Variants in MAGEA8 observed in about 807,000 individuals in gnomAD.
MAGEA8 encodes MAGE family member A8, also known as melanoma-associated antigen 8.
For synonymous variants in MAGEA8, 104 were observed against 102.6 expected, an observed-to-expected ratio of 1.01 and a Z score of -0.08; for missense variants, 229 against 251.1, an observed-to-expected ratio of 0.91 and a Z score of 0.59.
At chrX:149,883,337 A>G (rs1332669297) in intron 1 of MAGEA8, 1 of 111,097 alleles carries the variant, frequency 9.0e-6, no homozygotes, top group Non-Finnish European at 1.9e-5. Context: ...AGCCATGGGA[A>G]GTGCAGGGAA....
At position 149,885,280 on chromosome X, in the gene MAGEA8, C is replaced by T; in HGVS notation, c.*51C>T. On this transcript the variant is annotated 3_prime_UTR_variant, in exon 3 of 3. Coordinates refer to ENST00000286482, the MANE Select transcript of MAGEA8 (RefSeq NM_005364.5). ...GGGCAGGTTGTGGGAGGGCCTGGGC[C>T]AGTGCACGTTCCAGGGCCACATCCA... 1 of 954,129 alleles carries T rather than the reference C, an allele frequency of 1.0e-6. No homozygotes were observed. The highest frequency in any genetic ancestry group is 1.5e-6 in the Non-Finnish European group (1 of 685,980). The allele number at this position is 954,129 out of a possible 1,213,427, so 78.6% of individuals were successfully genotyped here.
Position 149,884,576 on chromosome X carries a change from G to A in MAGEA8, c.304G>A (p.Ala102Thr), listed in dbSNP as rs781844689. Reference sequence around the variant, plus strand: ...GGGGCCAAGCACCTCCCCGGACCCAGCTCACCTGGAGTCCCTGTTCCGGGA... The same window carrying A: ...GGGGCCAAGCACCTCCCCGGACCCAACTCACCTGGAGTCCCTGTTCCGGGA... ...EEGPSTSPDP[A>T]HLESLFREAL... is the part of the protein sequence containing the mutation. Residue 102 changes from alanine (A) to threonine (T), a missense_variant, in exon 3 of 3, where the codon GCT (alanine) becomes ACT (threonine). By Grantham distance (58) the Ala-to-Thr change is moderately conservative. Transcript: ENST00000286482. 15 of 1,211,334 alleles carry A rather than the reference G, an allele frequency of 1.2e-5. No homozygotes were observed. Among genetic ancestry groups the A allele is most frequent in the Non-Finnish European group, 1.7e-5 (15 of 895,111 alleles).
Position 149,884,144 on chromosome X carries a change from C to A in MAGEA8, c.-64+10C>A, listed in dbSNP as rs782394928. 11 of 515,613 alleles carry A rather than the reference C, an allele frequency of 2.1e-5. 1 individual carries two copies. The highest frequency in any genetic ancestry group is 1.2e-4 in the African/African-American group (5 of 42,724). The allele number at this position is 515,613 out of a possible 1,213,427, so 42.5% of individuals were successfully genotyped here. On this transcript the variant is annotated intron_variant, in intron 2 of 2. Coordinates refer to ENST00000286482, the MANE Select transcript of MAGEA8 (RefSeq NM_005364.5). ...GCACTGAAGAAGACCTGTAAGTAGACCTTTGTTAGGGCATCCAGGGTGTAG... is the reference window on the plus strand; with the variant it reads ...GCACTGAAGAAGACCTGTAAGTAGAACTTTGTTAGGGCATCCAGGGTGTAG...
chrX:149,882,173 CTG>C (rs1557370635), intron 1 of MAGEA8, among the ~76,000 whole-genome samples: 1 of 110,738 alleles, frequency 9.0e-6, no homozygotes, highest in African/African-American at 3.3e-5. Context: ...ACTCTCAGGT[CTG>C]GGCACCCAAG....
At position 149,885,698 on chromosome X, in the gene MAGEA8, G is replaced by A. The variant is rs1479151980; in HGVS notation, c.*469G>A. The stretch of plus-strand genomic sequence containing the variant: ...GAAACAACATAGCAGTAAAATACAT[G>A]AGATAAAGACATAAAGAAATTAAAC... On this transcript the variant is annotated 3_prime_UTR_variant, in exon 3 of 3. Coordinates refer to ENST00000286482, the MANE Select transcript of MAGEA8 (RefSeq NM_005364.5). 1.1e-5 allele frequency: 2 copies of A among 186,169 alleles called. No homozygotes were observed. Among genetic ancestry groups the A allele is most frequent in the Non-Finnish European group, 2.1e-5 (2 of 93,826 alleles). The allele number at this position is 186,169 out of a possible 1,213,427, so 15.3% of individuals were successfully genotyped here.
Position 149,885,761 on chromosome X carries a change from A to C in MAGEA8, c.*532A>C, listed in dbSNP as rs1446846084. The C allele has an allele frequency of 1.5e-5, 2 of 131,853 alleles. No homozygotes were observed. The highest frequency in any genetic ancestry group is 6.4e-5 in the African/African-American group (2 of 31,414). The allele number at this position is 131,853 out of a possible 1,213,427, so 10.9% of individuals were successfully genotyped here. A position where few individuals can be genotyped will look rare whatever the true frequency, so the allele number is the denominator to read the frequency against. On this transcript the variant is annotated 3_prime_UTR_variant, in exon 3 of 3. Coordinates refer to ENST00000286482, the MANE Select transcript of MAGEA8 (RefSeq NM_005364.5). ...TTGCCTTACCTGTACCTCTTAGTGTACCCTATGTACCTGAATTTGCTTGGC... is the reference window on the plus strand; with the variant it reads ...TTGCCTTACCTGTACCTCTTAGTGTCCCCTATGTACCTGAATTTGCTTGGC...
rs182316237 is a variant in MAGEA8, at chrX:149,885,417, A to T, written c.*188A>T. 15 of 387,468 alleles carry T rather than the reference A, an allele frequency of 3.9e-5. No individual in the cohort carries two copies. In the Admixed American group the frequency reaches 6.1e-4, roughly 16 times the overall value. The allele number at this position is 387,468 out of a possible 1,213,427, so 31.9% of individuals were successfully genotyped here. ...TTGGGTGTGAGGGAACACAGTGTGGACCATCTCTCAGTTCCTGTTCTATTG... is the reference window on the plus strand; with the variant it reads ...TTGGGTGTGAGGGAACACAGTGTGGTCCATCTCTCAGTTCCTGTTCTATTG... On this transcript the variant is annotated 3_prime_UTR_variant, in exon 3 of 3. Transcript: ENST00000286482.
At chrX:149,881,672 C>CATGGCGGCCGGGCA (rs1557370548) in intron 1 of MAGEA8, among the ~76,000 whole-genome samples, 36 of 106,763 alleles carry the variant, frequency 3.4e-4, no homozygotes, top group East Asian at 6.0e-4. Flanking sequence ...GGCGGCCGGG[C>CATGGCGGCCGGGCA]TCGCTGATTC....
chrX:149,881,746 G>A (rs782451820), intron 1 of MAGEA8, among the ~76,000 whole-genome samples: 27 of 110,662 alleles, frequency 2.4e-4, no homozygotes, highest in Non-Finnish European at 3.8e-4. Context: ...AAGAGGAGCA[G>A]AGGGAGGGCC....
chrX:149,881,570 C>T (rs1293262231), intron 1 of MAGEA8, among the ~76,000 whole-genome samples: 1 of 99,026 alleles, frequency 1.0e-5, no homozygotes. Flanking sequence ...TCTGCCCCTA[C>T]TGTCAGCCCT....
Position 149,885,396 on chromosome X carries a change from G to A in MAGEA8, c.*167G>A. 1 of 423,655 alleles carries A rather than the reference G, an allele frequency of 2.4e-6. No homozygotes were observed. Among genetic ancestry groups the A allele is most frequent in the Non-Finnish European group, 4.1e-6 (1 of 241,285 alleles). 34.9% of individuals were successfully genotyped at this position (423,655 alleles called of 1,213,427 possible). On this transcript the variant is annotated 3_prime_UTR_variant, in exon 3 of 3. Transcript: ENST00000286482. ...TTCTCAGTAGTGGGGAGCATGTTGG[G>A]TGTGAGGGAACACAGTGTGGACCAT...
Position 149,884,060 on chromosome X carries a change from A to C in MAGEA8, c.-125-13A>C. ...GGCTGCACCCTGAGATGCCCTCTCA[A>C]TTTCTCCTTCAGGTTCGCAGAGAAC... On this transcript the variant is annotated splice_polypyrimidine_tract_variant and intron_variant, in intron 1 of 2. Transcript: ENST00000286482. 1 of 393,210 alleles carries C rather than the reference A, an allele frequency of 2.5e-6. No homozygotes were observed. The highest frequency in any genetic ancestry group is 4.4e-6 in the Non-Finnish European group (1 of 227,495). 32.4% of individuals were successfully genotyped at this position (393,210 alleles called of 1,213,427 possible).
Position 149,884,454 on chromosome X carries a change from C to T in MAGEA8, c.182C>T (p.Pro61Leu). ...EEVTDSGSPS[P>L]PQSPEGASSS... ...GTGACTGATTCTGGGTCACCAAGTC[C>T]TCCCCAGAGTCCTGAGGGTGCCTCC... Residue 61 changes from proline to leucine, a missense_variant, in exon 3 of 3, where the codon CCT (proline) becomes CTT (leucine). Physicochemically the swap from Pro to Leu is moderately conservative, Grantham distance 98. Transcript: ENST00000286482. 1 of 1,211,287 alleles carries T rather than the reference C, an allele frequency of 8.3e-7. No homozygotes were observed. Among genetic ancestry groups the T allele is most frequent in the Non-Finnish European group, 1.1e-6 (1 of 895,181 alleles).
chrX:149,881,968 C>A (rs1417319585), intron 1 of MAGEA8, among the ~76,000 whole-genome samples: 5 of 110,539 alleles, frequency 4.5e-5, no homozygotes, highest in African/African-American at 6.6e-5. Context: ...GACTCCAGAT[C>A]AGTGGAGATC....
Position 149,884,350 on chromosome X carries a change from G to A in MAGEA8, c.78G>A (p.Met26Ile). Residue 26 changes from methionine (M) to isoleucine (I), a missense_variant, in exon 3 of 3, where the codon ATG (methionine) becomes ATA (isoleucine). By Grantham distance (10) the Met-to-Ile change is conservative. Transcript: ENST00000286482. The part of the protein sequence containing the change: ...LQAQGEAPGL[M>I]DVQIPTAEEQ... ...CCCAAGGAGAGGCACCAGGGCTTAT[G>A]GATGTGCAGATTCCCACAGCTGAGG... 1 of 1,209,845 alleles carries A rather than the reference G, an allele frequency of 8.3e-7. No homozygotes were observed. The highest frequency in any genetic ancestry group is 1.8e-5 in the South Asian group (1 of 56,553).
Position 149,884,238 on chromosome X carries a change from G to A in MAGEA8, c.-35G>A. 1 of 1,115,264 alleles carries A rather than the reference G, an allele frequency of 9.0e-7. No individual in the cohort carries two copies. 91.9% of individuals were successfully genotyped at this position (1,115,264 alleles called of 1,213,427 possible). On this transcript the variant is annotated 5_prime_UTR_variant, in exon 3 of 3. Coordinates refer to ENST00000286482, the MANE Select transcript of MAGEA8 (RefSeq NM_005364.5). ...TGTGGGTCTCAATTGCCCAGCTCCG[G>A]CCCACACTCTCCTGCTGCCCTGACC... is the stretch of plus-strand genomic sequence containing the variant.
At position 149,885,081 on chromosome X, in the gene MAGEA8, T is replaced by C; in HGVS notation, c.809T>C (p.Val270Ala). ...CGCCAGGCGCCCGGCAGTGATCCTG[T>C]GCGCTACGAGTTCCTGTGGGGTCCA... ...EYRQAPGSDPVRYEFLWGPRA... is the reference protein window; with the variant it reads ...EYRQAPGSDPARYEFLWGPRA... The change falls in exon 3 of 3, where the codon GTG becomes GCG. Residue 270 changes from valine (V) to alanine (A), a missense_variant. Transcript: ENST00000286482. The C allele has an allele frequency of 1.7e-6, 2 of 1,211,632 alleles. No homozygotes were observed. Among genetic ancestry groups the C allele is most frequent in the Non-Finnish European group, 2.2e-6 (2 of 895,306 alleles).
chrX:149,884,756 C>T lies in MAGEA8; in HGVS notation c.484C>T (p.Gln162Ter). The part of the protein sequence containing the change: ...DIFSKASECM[Q>*]VIFGIDVKEV... Reference sequence around the variant, plus strand: ...CTTCAGCAAAGCCTCTGAGTGCATGCAGGTGATCTTTGGCATTGATGTGAA... The same window carrying T: ...CTTCAGCAAAGCCTCTGAGTGCATGTAGGTGATCTTTGGCATTGATGTGAA... Residue 162 changes from glutamine (Q) to a stop codon, truncating the protein, a stop_gained, in exon 3 of 3, where the codon CAG becomes TAG. Transcript: ENST00000286482. LOFTEE classifies it low-confidence loss of function (END_TRUNC). The T allele has an allele frequency of 8.3e-7, 1 of 1,211,289 alleles. No individual in the cohort carries two copies. Among genetic ancestry groups the T allele is most frequent in the Non-Finnish European group, 1.1e-6 (1 of 895,027 alleles).
rs1279740362 is a variant in MAGEA8 at position 149,884,253 on chromosome X, C to A, written c.-20C>A. ...CCCAGCTCCGGCCCACACTCTCCTG[C>A]TGCCCTGACCTGAGTCATCATGCTT... On this transcript the variant is annotated 5_prime_UTR_variant, in exon 3 of 3. In the 5' UTR this introduces an upstream ATG that the reference lacks. Coordinates refer to ENST00000286482, the MANE Select transcript of MAGEA8 (RefSeq NM_005364.5). The A allele has an allele frequency of 2.6e-6, 3 of 1,150,935 alleles. No individual in the cohort carries two copies. The highest frequency in any genetic ancestry group is 3.6e-5 in the African/African-American group (2 of 56,293). The allele number at this position is 1,150,935 out of a possible 1,213,427, so 94.8% of individuals were successfully genotyped here. A position where few individuals can be genotyped will look rare whatever the true frequency, so the allele number is the denominator to read the frequency against.
Sources: allele counts gnomAD v4.1 joint callset (sites outside exome capture counted in the v4.1 genomes callset), GRCh38; gene constraint gnomAD v4.1.1; transcripts MANE v1.5; gene names NCBI Gene and HGNC (gene_info 2026-07-23, HGNC 2026-07-21).